Variants in FGF18 observed in about 807,000 individuals in gnomAD.
FGF18 encodes the protein fibroblast growth factor 18.
Under a neutral mutation model 23.0 loss-of-function variants are expected in FGF18, and 5 were observed. The observed-to-expected ratio is 0.22, with a 90% CI of 0.11 to 0.46. The LOEUF (loss-of-function observed/expected upper bound fraction) is 0.46. Ranked by LOEUF, FGF18 falls within the 20% of genes least tolerant of loss-of-function variation. The pLI is 0.99. For missense variants in FGF18, 180 were observed against 291.6 expected (o/e 0.62, Z 2.79); for synonymous variants, 117 against 118.9 (o/e 0.98, Z 0.10).
At chr5:171,424,803 C>A (rs914618857) in intron 2 of FGF18, among the ~76,000 whole-genome samples, 6 of 150,978 alleles carry the variant, frequency 4.0e-5, no homozygotes, top group Non-Finnish European at 8.9e-5. Context: ...GGGGCTGGGG[C>A]CCAGAGGATT....
At position 171,457,173 on chromosome 5, in the gene FGF18, C is replaced by CA. The variant is rs570056915; in HGVS notation, c.*377dup. ...GTTCTGAAAGGAAAAAAAAAAAAAA[C>CA]AAAAAAAAAGAAAAACAAAGAGAAA... On this transcript the variant is annotated 3_prime_UTR_variant, in exon 5 of 5. Coordinates refer to ENST00000274625, the MANE Select transcript of FGF18 (RefSeq NM_003862.3). 5.5e-5 allele frequency: 9 copies of CA among 164,984 alleles called. No homozygotes were observed. Among genetic ancestry groups the CA allele is most frequent in the South Asian group, 1.8e-4 (1 of 5,406 alleles). 10.2% of individuals were successfully genotyped at this position (164,984 alleles called of 1,614,324 possible). A position where few individuals can be genotyped will look rare whatever the true frequency, so the allele number is the denominator to read the frequency against.
intron 3 of FGF18, among the ~76,000 whole-genome samples, chr5:171,438,393 C>T (rs183114356): frequency 4.5e-4 from 69 of 151,992 alleles, no homozygotes; most frequent in African/African-American, 1.5e-3. Context: ...TGAGCATGGC[C>T]GCGCCCGGCC....
chr5:171,446,092 G>A (rs1350480997), intron 3 of FGF18, among the ~76,000 whole-genome samples: 5 of 152,142 alleles, frequency 3.3e-5, no homozygotes, highest in Non-Finnish European at 5.9e-5. Flanking sequence ...ATTCTGGCCC[G>A]GCTCCCTCCT....
chr5:171,448,523 T>TG (rs1300479474), intron 3 of FGF18, among the ~76,000 whole-genome samples: 2 of 152,132 alleles, frequency 1.3e-5, no homozygotes, highest in African/African-American at 4.8e-5. Context: ...GAGGTGTGCG[T>TG]GCACATGCCT....
intron 2 of FGF18, among the ~76,000 whole-genome samples, chr5:171,430,368 A>AG: frequency 6.6e-6 from 1 of 151,960 alleles, no homozygotes; most frequent in Admixed American, 6.6e-5. Flanking sequence ...AAAAAAAAAA[A>AG]AAAAAAAATT....
chr5:171,440,373 G>T lies in FGF18; in HGVS notation c.250+4100G>T, dbSNP rs544401876. On this transcript the variant is annotated intron_variant, in intron 3 of 4. Transcript: ENST00000274625. The surrounding 1 kb of genome is among the most constrained non-coding windows in gnomAD (Gnocchi z 4.0). ...CAGGTTAGATGCAGGTAGAAGAGTC[G>T]TCCTCCCGTGATTCCCAGCAGCAAG... 6.6e-6 allele frequency among the ~76,000 whole-genome samples: 1 copy of T among 152,068 alleles called. No individual in the cohort carries two copies. The highest frequency in any genetic ancestry group is 2.4e-5 in the African/African-American group (1 of 41,386).
rs1421791560 is a variant in FGF18, at chr5:171,420,199, G to T, written c.-1G>T. On this transcript the variant is annotated 5_prime_UTR_variant, in exon 1 of 5. Coordinates refer to ENST00000274625, the MANE Select transcript of FGF18 (RefSeq NM_003862.3). Reference sequence around the variant, plus strand: ...AGCCGCCGCCTCCCTCCCGCCCAGCGATGTATTCAGCGCCCTCCGCCTGCA... The same window carrying T: ...AGCCGCCGCCTCCCTCCCGCCCAGCTATGTATTCAGCGCCCTCCGCCTGCA... 5 of 1,548,214 alleles carry T rather than the reference G, an allele frequency of 3.2e-6. No homozygotes were observed. In the South Asian group the frequency reaches 3.5e-5, roughly 11 times the overall value.
chr5:171,449,090 A>G (rs1772456041), intron 3 of FGF18, 57 bp from the exon 4 acceptor site: 1 of 1,304,776 alleles, frequency 7.7e-7, no homozygotes, highest in African/African-American at 1.5e-5. Flanking sequence ...GAGCCTTTAG[A>G]CCAAGCCATT....
At chr5:171,437,142 C>G (rs984432581) in intron 3 of FGF18, among the ~76,000 whole-genome samples, 1 of 152,232 alleles carries the variant, frequency 6.6e-6, no homozygotes, top group African/African-American at 2.4e-5. Context: ...CAGGCCCCAG[C>G]CTTGGGCCTG....
chr5:171,437,904 G>A (rs933616714), intron 3 of FGF18, among the ~76,000 whole-genome samples: 12 of 152,076 alleles, frequency 7.9e-5, no homozygotes, highest in South Asian at 4.2e-4. Context: ...GCGGGAGCTC[G>A]AGAGGGAGGG....
rs914089820 is a variant in FGF18, at chr5:171,440,245, G to A, written c.250+3972G>A. 2.2e-4 allele frequency among the ~76,000 whole-genome samples: 34 copies of A among 151,734 alleles called. No homozygotes were observed. Among genetic ancestry groups the A allele is most frequent in the Admixed American group, 3.9e-4 (6 of 15,236 alleles). On this transcript the variant is annotated intron_variant, in intron 3 of 4. Coordinates refer to ENST00000274625, the MANE Select transcript of FGF18 (RefSeq NM_003862.3). The surrounding 1 kb of genome is among the most constrained non-coding windows in gnomAD (Gnocchi z 4.0). ...GTGTGTGGGGGGGGGTGGTGCCATC[G>A]CGGGCTCAGGTGAGGAACTGCCATC...
intron 3 of FGF18, among the ~76,000 whole-genome samples, chr5:171,443,532 T>TTTTTTTTTC (rs869156904): frequency 9.4e-6 from 1 of 106,890 alleles, no homozygotes; most frequent in South Asian, 3.2e-4. Flanking sequence ...TTTTTTTTTT[T>TTTTTTTTTC]AGCAGAGACA....
At chr5:171,446,230 G>A (rs1772417449) in intron 3 of FGF18, among the ~76,000 whole-genome samples, 1 of 152,174 alleles carries the variant, frequency 6.6e-6, no homozygotes, top group Admixed American at 6.5e-5. Context: ...GGTGGGGGTG[G>A]CTAGGCTTGT....
chr5:171,430,782 A>G (rs1429127923), intron 2 of FGF18, among the ~76,000 whole-genome samples: 6 of 136,852 alleles, frequency 4.4e-5, no homozygotes, highest in African/African-American at 9.3e-5. Flanking sequence ...GCGACAGAGC[A>G]AGACTCCGTC....
Position 171,420,431 on chromosome 5 carries a change from C to T in FGF18, c.57C>T (p.Cys19=), listed in dbSNP as rs761083404. Residue 19 remains cysteine (C), a synonymous_variant, in exon 2 of 5, where the codon TGC becomes TGT. Transcript: ENST00000274625. ...GGTGTTTACACTTCCTGCTGCTGTG[C>T]TTCCAGGTACAGGTACGTGGGCTCC... The part of the protein sequence containing the change: ...TCLCLHFLLL[C]FQVQVLVAEE... 12 of 1,613,630 alleles carry T rather than the reference C, an allele frequency of 7.4e-6. No homozygotes were observed. The highest frequency in any genetic ancestry group is 9.3e-6 in the Non-Finnish European group (11 of 1,179,890).
chr5:171,456,966 G>A lies in FGF18; in HGVS notation c.*161G>A, dbSNP rs1772594582. ...CTGAACCAAAACTCTTGGGGGGAGG[G>A]GTGATAAGGATTTTATTGTTGACTT... On this transcript the variant is annotated 3_prime_UTR_variant, in exon 5 of 5. Coordinates refer to ENST00000274625, the MANE Select transcript of FGF18 (RefSeq NM_003862.3). This position sits in a 1 kb window ranked among gnomAD's most constrained non-coding sequence, Gnocchi z 6.1. The A allele has an allele frequency of 1.1e-6, 1 of 911,076 alleles. No homozygotes were observed. Among genetic ancestry groups the A allele is most frequent in the African/African-American group, 1.7e-5 (1 of 59,466 alleles). 56.4% of individuals were successfully genotyped at this position (911,076 alleles called of 1,614,324 possible). A position where few individuals can be genotyped will look rare whatever the true frequency, so the allele number is the denominator to read the frequency against.
chr5:171,434,167 C>T lies in FGF18; in HGVS notation c.70-1926C>T, dbSNP rs1772215981. ...TGGGGCTGCCCGCAGGGGTGGGGCA[C>T]AGGAAACACAGTCTTTAGGGTCACA... On this transcript the variant is annotated intron_variant, in intron 2 of 4. Transcript: ENST00000274625. This position sits in a 1 kb window ranked among gnomAD's most constrained non-coding sequence, Gnocchi z 4.6. 2.6e-5 allele frequency among the ~76,000 whole-genome samples: 4 copies of T among 152,326 alleles called. No individual in the cohort carries two copies. In the South Asian group the frequency reaches 6.2e-4, roughly 24 times the overall value.
intron 2 of FGF18, among the ~76,000 whole-genome samples, chr5:171,431,407 G>A (rs1255790848): frequency 6.6e-6 from 1 of 152,188 alleles, no homozygotes; most frequent in East Asian, 1.9e-4. Flanking sequence ...GAGACCGAAG[G>A]CAGAAGGTGG....
chr5:171,438,776 T>C (rs374119178), intron 3 of FGF18, among the ~76,000 whole-genome samples: 7 of 151,864 alleles, frequency 4.6e-5, no homozygotes, highest in African/African-American at 7.2e-5. Flanking sequence ...ATGGAGCCAA[T>C]TGAGGCTTCC....
Sources: allele counts gnomAD v4.1 joint callset (sites outside exome capture counted in the v4.1 genomes callset), GRCh38; gene constraint gnomAD v4.1.1; non-coding constraint Gnocchi (gnomAD v3.1); transcripts MANE v1.5; gene names NCBI Gene and HGNC (gene_info 2026-07-23, HGNC 2026-07-21).